Variants in CNTNAP3 observed in about 807,000 individuals in gnomAD.
The protein encoded by CNTNAP3 is contactin-associated protein-like 3.
In CNTNAP3, 36 loss-of-function variants were observed where a neutral mutation model predicts 92.1. The observed-to-expected ratio is 0.39, with a 90% CI of 0.30 to 0.52. The LOEUF is 0.52. Ranked by LOEUF, CNTNAP3 falls within the 20% of genes least tolerant of loss-of-function variation. CNTNAP3 has a pLI of 0.76. For missense variants in CNTNAP3, 534 were observed against 1,069.6 expected (o/e 0.50, Z 6.98); for synonymous variants, 232 against 422.3 (o/e 0.55, Z 5.53).
chr9:39,179,286 T>TCCACAC (rs1491209886), intron 4 of CNTNAP3, among the ~76,000 whole-genome samples: 1 of 80,724 alleles, frequency 1.2e-5, no homozygotes, highest in Non-Finnish European at 2.3e-5. Context: ...TCTCTCTCTC[T>TCCACAC]ACACACACAC....
intron 11 of CNTNAP3, among the ~76,000 whole-genome samples, chr9:39,142,700 C>T (rs373683507): frequency 6.6e-5 from 10 of 151,320 alleles, no homozygotes; most frequent in South Asian, 2.1e-4. Context: ...AAATGTGTCA[C>T]GGCTTTATAA....
intron 18 of CNTNAP3, among the ~76,000 whole-genome samples, chr9:39,097,303 C>T (rs1564071913): frequency 6.6e-6 from 1 of 152,062 alleles, no homozygotes; most frequent in African/African-American, 2.4e-5. Context: ...TTTTCATGGC[C>T]TCCCTCTACC....
At chr9:39,132,247 A>T (rs1356276685) in intron 13 of CNTNAP3, among the ~76,000 whole-genome samples, 1 of 152,156 alleles carries the variant, frequency 6.6e-6, no homozygotes, top group Non-Finnish European at 1.5e-5. Flanking sequence ...GTTGGAGAGC[A>T]GCAGTGAGTC....
At chr9:39,077,225 A>C (rs1051218154) in intron 23 of CNTNAP3, among the ~76,000 whole-genome samples, 1 of 152,202 alleles carries the variant, frequency 6.6e-6, no homozygotes, top group African/African-American at 2.4e-5. Context: ...CCTTAATGAC[A>C]GGGAATTATA....
chr9:39,113,044 G>T (rs1026029511), intron 14 of CNTNAP3, among the ~76,000 whole-genome samples: 6 of 152,082 alleles, frequency 3.9e-5, no homozygotes, highest in Non-Finnish European at 8.8e-5. Context: ...CAGCGTTACT[G>T]ATATTTTGGG....
At position 39,104,259 on chromosome 9, in the gene CNTNAP3, T is replaced by C. The variant is rs59628928; in HGVS notation, c.2366-345A>G. Among the ~76,000 whole-genome samples the C allele has an allele frequency of 3.3e-5, 5 of 152,124 alleles. No individual in the cohort carries two copies. In the East Asian group the frequency reaches 7.7e-4, roughly 24 times the overall value. On this transcript the variant is annotated intron_variant, in intron 15 of 23. Coordinates refer to ENST00000297668, the MANE Select transcript of CNTNAP3 (RefSeq NM_033655.5). ...ACTTACTGAAGAACTCGGTAAGATG[T>C]GAGAAGAAGGGTGGAGTCTGAGGTG... is the stretch of plus-strand genomic sequence containing the variant.
At position 39,092,391 on chromosome 9, in the gene CNTNAP3, A is replaced by T. The variant is rs1394695906; in HGVS notation, c.2996-3744T>A. On this transcript the variant is annotated intron_variant, in intron 18 of 23. Coordinates refer to ENST00000297668, the MANE Select transcript of CNTNAP3 (RefSeq NM_033655.5). ...TTGAATATTGATGTTTACAGCTTTA[A>T]AATTCCCTCTAAACCCTGCTTTAGC... Among the ~76,000 whole-genome samples the T allele has an allele frequency of 4.4e-5, 6 of 136,992 alleles. 1 individual carries two copies. The highest frequency in any genetic ancestry group is 9.6e-5 in the Non-Finnish European group (6 of 62,658). The allele number at this position is 136,992 out of a possible 152,430, so 89.9% of individuals were successfully genotyped here. A position where few individuals can be genotyped will look rare whatever the true frequency, so the allele number is the denominator to read the frequency against.
At chr9:39,138,909 G>T (rs1468168565) in intron 12 of CNTNAP3, among the ~76,000 whole-genome samples, 1 of 152,116 alleles carries the variant, frequency 6.6e-6, no homozygotes, top group Non-Finnish European at 1.5e-5. Context: ...AAAAAAATTG[G>T]TTGATTTTTC....
intron 12 of CNTNAP3, among the ~76,000 whole-genome samples, 200 bp downstream of exon 12, chr9:39,140,319 A>T (rs1046643131): frequency 6.6e-6 from 1 of 152,128 alleles, no homozygotes; most frequent in African/African-American, 2.4e-5. Flanking sequence ...TTGGCAGAGC[A>T]CTGAATCTTT....
intron 13 of CNTNAP3, among the ~76,000 whole-genome samples, chr9:39,120,077 C>A (rs1272871881): frequency 6.6e-6 from 1 of 152,130 alleles, no homozygotes; most frequent in Non-Finnish European, 1.5e-5. Flanking sequence ...GTGAAAGACA[C>A]AAACCCAGAG....
intron 13 of CNTNAP3, among the ~76,000 whole-genome samples, chr9:39,125,930 G>T (rs1821144119): frequency 6.6e-6 from 1 of 152,094 alleles, no homozygotes; most frequent in African/African-American, 2.4e-5. Flanking sequence ...GACTCAGCAG[G>T]AAGAAAATCA....
chr9:39,095,586 GT>G (rs1262353480), intron 18 of CNTNAP3, among the ~76,000 whole-genome samples: 18 of 143,882 alleles, frequency 1.3e-4, no homozygotes, highest in African/African-American at 3.3e-4. Flanking sequence ...AGATAATCAT[GT>G]TTTTTTTCCC....
chr9:39,131,978 A>T (rs1011739625), intron 13 of CNTNAP3, among the ~76,000 whole-genome samples: 2 of 151,920 alleles, frequency 1.3e-5, no homozygotes, highest in African/African-American at 2.4e-5. Flanking sequence ...TGAAAATTAA[A>T]GAGTGAAATT....
intron 9 of CNTNAP3, chr9:39,159,629 G>GAGAGAGATAGATAGAT (rs1554651771): frequency 1.5e-5 from 2 of 136,220 alleles, no homozygotes; most frequent in African/African-American, 5.9e-5. Flanking sequence ...ACCACGCCTG[G>GAGAGAGATAGATAGAT]AGATAGATAG....
In CNTNAP3 at chr9:39,132,920, A is replaced by T. The variant is rs748930575; in HGVS notation, c.2080+12T>A. On this transcript the variant is annotated intron_variant, in intron 13 of 23. Coordinates refer to ENST00000297668, the MANE Select transcript of CNTNAP3 (RefSeq NM_033655.5). ...CCCGTGAACCCCTGTAGCCTCCAGGAGTGGCGCTTACCTCGTGAGTCCGGG... is the reference window on the plus strand; with the variant it reads ...CCCGTGAACCCCTGTAGCCTCCAGGTGTGGCGCTTACCTCGTGAGTCCGGG... 3 of 1,541,134 alleles carry T rather than the reference A, an allele frequency of 1.9e-6. No homozygotes were observed. In the South Asian group the frequency reaches 3.5e-5, roughly 18 times the overall value.
intron 18 of CNTNAP3, among the ~76,000 whole-genome samples, chr9:39,093,049 T>C (rs1378634496): frequency 2.1e-5 from 3 of 143,056 alleles, no homozygotes; most frequent in Non-Finnish European, 3.1e-5. Context: ...GGGTTACTCT[T>C]TGCATGGTAC....
chr9:39,086,555 C>T lies in CNTNAP3; in HGVS notation c.3354+161G>A, dbSNP rs1587699296. On this transcript the variant is annotated intron_variant, in intron 20 of 23. Coordinates refer to ENST00000297668, the MANE Select transcript of CNTNAP3 (RefSeq NM_033655.5). ...GCAATACAGAATAAACAACCACCTC[C>T]TCTCTCCCAGATCCTGGCCATATTT... 3.3e-5 allele frequency: 30 copies of T among 895,734 alleles called. No homozygotes were observed. In the South Asian group the frequency reaches 3.7e-4, roughly 11 times the overall value. 55.5% of individuals were successfully genotyped at this position (895,734 alleles called of 1,614,324 possible).
At position 39,225,735 on chromosome 9, in the gene CNTNAP3, CT is replaced by C. The variant is rs373536390; in HGVS notation, c.390+13257del. ...ATTTTCTGCCTGCCTTCCTGACTGC[CT>C]TTTTTCCTTCCTTCCTGTCTTACTT... On this transcript the variant is annotated intron_variant, in intron 3 of 23. Transcript: ENST00000297668. Among the ~76,000 whole-genome samples, 211 of 55,612 alleles carry C rather than the reference CT, an allele frequency of 3.8e-3. 25 individuals are homozygous for C. The highest frequency in any genetic ancestry group is 0.01 in the Non-Finnish European group (113 of 11,266). 36.5% of individuals were successfully genotyped at this position (55,612 alleles called of 152,430 possible).
intron 10 of CNTNAP3, among the ~76,000 whole-genome samples, chr9:39,147,255 T>C (rs1477051640): frequency 1.4e-5 from 2 of 145,516 alleles, no homozygotes; most frequent in African/African-American, 2.5e-5. Context: ...AACAGACTAA[T>C]ACAATTAGAT....
Sources: allele counts gnomAD v4.1 joint callset (sites outside exome capture counted in the v4.1 genomes callset), GRCh38; gene constraint gnomAD v4.1.1; transcripts MANE v1.5; gene names NCBI Gene and HGNC (gene_info 2026-07-23, HGNC 2026-07-21).